PARD3: variants seen among roughly 807,000 people sequenced by gnomAD.
The protein encoded by PARD3 is par-3 family cell polarity regulator.
PARD3 carries 75 observed loss-of-function variants against 155.4 expected under a neutral mutation model. That is an observed-to-expected ratio of 0.48 (90% CI 0.40 to 0.58). The LOEUF (loss-of-function observed/expected upper bound fraction) is 0.58, where lower values mean the gene tolerates loss of function less well. Ranked by LOEUF, PARD3 falls within the 20% of genes least tolerant of loss-of-function variation. The pLI is 0.00. For missense variants in PARD3, 1,642 were observed against 1,721.7 expected (o/e 0.95, Z 0.82); for synonymous variants, 576 against 610.5 (o/e 0.94, Z 0.83).
intron 22 of PARD3, among the ~76,000 whole-genome samples, chr10:34,147,279 G>A (rs566674083): frequency 2.1e-4 from 32 of 152,164 alleles, no homozygotes; most frequent in African/African-American, 6.5e-4. Flanking sequence ...AAACATATTG[G>A]CTAACTGTGG....
intron 2 of PARD3, among the ~76,000 whole-genome samples, chr10:34,601,268 GAAA>G (rs61230086): frequency 3.2e-5 from 4 of 123,166 alleles, no homozygotes; most frequent in Admixed American, 8.3e-5. Flanking sequence ...TCTCTACAAA[GAAA>G]AAAAAAAAAA....
chr10:34,777,080 T>C (rs1427383399), intron 1 of PARD3, among the ~76,000 whole-genome samples: 1 of 148,866 alleles, frequency 6.7e-6, no homozygotes, highest in Non-Finnish European at 1.5e-5. Flanking sequence ...CTCAAACTCC[T>C]GACCTCGTGA....
intron 2 of PARD3, among the ~76,000 whole-genome samples, chr10:34,545,540 C>T (rs899096032): frequency 3.3e-5 from 5 of 152,056 alleles, no homozygotes; most frequent in African/African-American, 1.2e-4. Flanking sequence ...GAAGAGGAGA[C>T]TAATTAAACA....
chr10:34,292,315 T>G (rs1014435844), intron 20 of PARD3, among the ~76,000 whole-genome samples: 1 of 152,236 alleles, frequency 6.6e-6, no homozygotes, highest in African/African-American at 2.4e-5. Context: ...ATGTCCTTCC[T>G]GTACAGGATC....
chr10:34,439,460 A>ATT (rs147771021), intron 5 of PARD3, among the ~76,000 whole-genome samples: 10 of 150,974 alleles, frequency 6.6e-5, no homozygotes, highest in Admixed American at 2.6e-4. Flanking sequence ...ACATTTTTTA[A>ATT]TTTTTTTTTC....
chr10:34,533,861 G>A (rs1413205350), intron 2 of PARD3, among the ~76,000 whole-genome samples: 1 of 151,828 alleles, frequency 6.6e-6, no homozygotes, highest in African/African-American at 2.4e-5. Flanking sequence ...TTACTCCTTG[G>A]ATTAACACCA....
At chr10:34,289,405 G>T (rs1406412067) in intron 20 of PARD3, among the ~76,000 whole-genome samples, 3 of 151,990 alleles carry the variant, frequency 2.0e-5, no homozygotes, top group Non-Finnish European at 2.9e-5. Context: ...GGCCAGGCTG[G>T]TCTCAAACTC....
intron 20 of PARD3, among the ~76,000 whole-genome samples, chr10:34,298,357 G>A (rs1364950025): frequency 2.0e-5 from 3 of 152,196 alleles, no homozygotes; most frequent in South Asian, 2.1e-4. Flanking sequence ...AGCGTGCATC[G>A]ACGTGGGAAT....
At chr10:34,564,808 C>T (rs2134095375) in intron 2 of PARD3, among the ~76,000 whole-genome samples, 1 of 152,282 alleles carries the variant, frequency 6.6e-6, no homozygotes, top group Non-Finnish European at 1.5e-5. Context: ...ATTTGATGAT[C>T]TGTCTACAAT....
intron 1 of PARD3, among the ~76,000 whole-genome samples, chr10:34,723,861 G>A (rs1417623429): frequency 2.6e-5 from 4 of 152,172 alleles, no homozygotes; most frequent in Non-Finnish European, 5.9e-5. Context: ...ATCTGTAATC[G>A]CACTCTGGGC....
intron 23 of PARD3, among the ~76,000 whole-genome samples, chr10:34,127,148 A>G (rs1947333334): frequency 6.6e-6 from 1 of 152,254 alleles, no homozygotes; most frequent in East Asian, 1.9e-4. Context: ...AAAGAAACCA[A>G]AATGAATTTC....
chr10:34,178,011 C>T (rs1006758323), intron 22 of PARD3, among the ~76,000 whole-genome samples: 2 of 152,258 alleles, frequency 1.3e-5, no homozygotes, highest in East Asian at 3.9e-4. Context: ...CTAAAATATA[C>T]ATATCAATGT....
At chr10:34,782,734 C>CTT (rs968167211) in intron 1 of PARD3, among the ~76,000 whole-genome samples, 1 of 139,436 alleles carries the variant, frequency 7.2e-6, no homozygotes, top group East Asian at 2.1e-4. Context: ...TTTTTTTTTT[C>CTT]TTTTTTTTTT....
At chr10:34,305,217 T>C (rs1296792576) in intron 20 of PARD3, among the ~76,000 whole-genome samples, 1 of 152,108 alleles carries the variant, frequency 6.6e-6, no homozygotes, top group African/African-American at 2.4e-5. Context: ...ACTAAGAAGG[T>C]GAGGTTGTCA....
intron 2 of PARD3, among the ~76,000 whole-genome samples, chr10:34,623,640 A>AC (rs1333706311): frequency 6.6e-6 from 1 of 151,904 alleles, no homozygotes; most frequent in Non-Finnish European, 1.5e-5. Flanking sequence ...CCACTCTTGA[A>AC]CCCCCTAAAC....
intron 5 of PARD3, among the ~76,000 whole-genome samples, chr10:34,421,310 A>T (rs1170746563): frequency 4.0e-5 from 6 of 150,418 alleles, no homozygotes; most frequent in African/African-American, 9.7e-5. Flanking sequence ...TATTATAACT[A>T]GTTATTTAAG....
intron 3 of PARD3, among the ~76,000 whole-genome samples, chr10:34,496,738 G>T (rs937149541): frequency 1.3e-5 from 2 of 152,160 alleles, no homozygotes. Context: ...AATCCGAAGA[G>T]ATATATCAAT....
intron 3 of PARD3, among the ~76,000 whole-genome samples, chr10:34,470,914 G>C (rs1274923728): frequency 2.6e-5 from 4 of 152,128 alleles, no homozygotes; most frequent in African/African-American, 9.7e-5. Flanking sequence ...TAATTGAGGT[G>C]TGAATATCCT....
At chr10:34,145,215 A>AT (rs1431781010) in intron 22 of PARD3, among the ~76,000 whole-genome samples, 8 of 57,598 alleles carry the variant, frequency 1.4e-4, no homozygotes, top group Admixed American at 3.2e-4. Flanking sequence ...ATATATATAT[A>AT]TATATATTTT....
Sources: allele counts gnomAD v4.1 joint callset (sites outside exome capture counted in the v4.1 genomes callset), GRCh38; gene constraint gnomAD v4.1.1; transcripts MANE v1.5; gene names NCBI Gene and HGNC (gene_info 2026-07-23, HGNC 2026-07-21).